The following NEBL variants were observed in gnomAD, a reference collection of about 807,000 sequenced individuals.
NEBL encodes the protein LIM and SH3 protein 2.
In NEBL, 122 loss-of-function variants were observed where a neutral mutation model predicts 140.2. The ratio of observed to expected loss-of-function variants is 0.87; its 90% CI spans 0.75 to 1.01. The LOEUF is 1.01. NEBL is among the 50% of genes least tolerant of loss of function. The pLI is 0.00. For synonymous variants in NEBL, 436 were observed against 398.9 expected (o/e 1.09, Z -1.11); for missense variants, 1,365 against 1,231.3 (o/e 1.11, Z -1.62).
At chr10:20,852,445 T>C (rs1842632171) in intron 10 of NEBL, 100 bp downstream of exon 10, 1 of 788,466 alleles carries the variant, frequency 1.3e-6, no homozygotes, top group South Asian at 1.4e-5. Flanking sequence ...TTTCTGCAAC[T>C]GTACTTTCTC....
At chr10:20,987,792 T>C (rs1396137560) in intron 3 of NEBL, among the ~76,000 whole-genome samples, 1 of 152,218 alleles carries the variant, frequency 6.6e-6, no homozygotes, top group Non-Finnish European at 1.5e-5. Flanking sequence ...GGGCTCCTTC[T>C]GTACCAGCAC....
Position 20,902,406 on chromosome 10 carries a change from C to CAA in NEBL, c.357+59264_357+59265dup, listed in dbSNP as rs10532070. The stretch of plus-strand genomic sequence containing the variant: ...GGGCAACAGAGCAAAGACACTGTCT[C>CAA]AAAAAAAAAAAAATTTAATAAGGTA... On this transcript the variant is annotated intron_variant, in intron 4 of 6. Transcript: ENST00000417816. Among the ~76,000 whole-genome samples, 4 of 149,926 alleles carry CAA rather than the reference C, an allele frequency of 2.7e-5. No homozygotes were observed. In the East Asian group the frequency reaches 5.9e-4, roughly 22 times the overall value.
chr10:21,288,197 T>C (rs975364380), intron 1 of NEBL, among the ~76,000 whole-genome samples: 2 of 152,190 alleles, frequency 1.3e-5, no homozygotes, highest in African/African-American at 4.8e-5. Flanking sequence ...CAGCCGGGCA[T>C]GGTGGCTAAC....
chr10:21,210,109 G>A (rs1324530106), intron 3 of NEBL, among the ~76,000 whole-genome samples: 1 of 152,062 alleles, frequency 6.6e-6, no homozygotes, highest in Non-Finnish European at 1.5e-5. Context: ...AAAACATCAT[G>A]GGCAGGGCAT....
intron 3 of NEBL, among the ~76,000 whole-genome samples, chr10:20,995,120 A>G (rs1416915989): frequency 6.6e-6 from 1 of 152,254 alleles, no homozygotes; most frequent in Non-Finnish European, 1.5e-5. Context: ...CCTTTGAAGC[A>G]AAGTCTGAAC....
At chr10:21,144,373 A>T (rs1292663229) in intron 2 of NEBL, among the ~76,000 whole-genome samples, 1 of 152,222 alleles carries the variant, frequency 6.6e-6, no homozygotes, top group Non-Finnish European at 1.5e-5. Context: ...TCGCCCTACA[A>T]GGTAACGCAC....
chr10:21,193,153 T>G lies in NEBL; in HGVS notation n.349-20676A>C, dbSNP rs554205277. The stretch of plus-strand genomic sequence containing the variant: ...TAGCAACCCAATCACAGGGATGGGG[T>G]GGAGTGGAAGGCTGACAGGGAGGAA... On this transcript the variant is annotated intron_variant and non_coding_transcript_variant, in intron 3 of 8. Transcript: ENST00000675702. Among the ~76,000 whole-genome samples, 123 of 151,516 alleles carry G rather than the reference T, an allele frequency of 8.1e-4. No homozygotes were observed. In the South Asian group the frequency reaches 0.014, roughly 17 times the overall value.
intron 1 of NEBL, among the ~76,000 whole-genome samples, chr10:21,279,098 T>C (rs565703736): frequency 4.6e-4 from 70 of 152,106 alleles, no homozygotes; most frequent in Non-Finnish European, 8.8e-4. Context: ...ATTTACTATT[T>C]AGGCTCTACA....
In NEBL at chr10:21,272,641, C is replaced by T. The variant is rs76722102; in HGVS notation, n.182+20189G>A. 3.7e-3 allele frequency among the ~76,000 whole-genome samples: 556 copies of T among 152,178 alleles called. 6 individuals are homozygous for T. The highest frequency in any genetic ancestry group is 0.013 in the African/African-American group (537 of 41,522). ...CCAGGGGTTCTTGCTCCAGATCCTC[C>T]GTTTGATAGCTGTGTGGCATTTGAG... On this transcript the variant is annotated intron_variant and non_coding_transcript_variant, in intron 1 of 8. Coordinates refer to the NEBL transcript ENST00000675702.
intron 5 of NEBL, among the ~76,000 whole-genome samples, chr10:20,875,220 T>G (rs1221744438): frequency 1.3e-5 from 2 of 151,062 alleles, no homozygotes; most frequent in Admixed American, 1.3e-4. Flanking sequence ...TCCTCCCACT[T>G]CTGTTTCATA....
intron 18 of NEBL, among the ~76,000 whole-genome samples, chr10:20,825,339 G>A (rs971419933): frequency 2.0e-5 from 3 of 152,114 alleles, no homozygotes; most frequent in Non-Finnish European, 4.4e-5. Context: ...TTTAAAGAAC[G>A]AATCCTTTTT....
chr10:21,087,983 A>G (rs1019833670), intron 2 of NEBL, among the ~76,000 whole-genome samples: 1 of 152,200 alleles, frequency 6.6e-6, no homozygotes, highest in Non-Finnish European at 1.5e-5. Flanking sequence ...CTTTATGGAG[A>G]TATTATGTAT....
upstream of NEBL, among the ~76,000 whole-genome samples, chr10:20,900,374 A>C (rs1847808722): frequency 6.6e-6 from 1 of 152,202 alleles, no homozygotes; most frequent in African/African-American, 2.4e-5. Flanking sequence ...GAGTTGACAG[A>C]AGTTAATAAA....
chr10:21,108,235 T>G (rs1374969787), intron 2 of NEBL, among the ~76,000 whole-genome samples: 1 of 152,202 alleles, frequency 6.6e-6, no homozygotes. Flanking sequence ...GCTTCTCTAG[T>G]TATTTTAATT....
intron 2 of NEBL, among the ~76,000 whole-genome samples, chr10:21,104,489 G>T (rs1342799716): frequency 6.6e-6 from 1 of 152,084 alleles, no homozygotes; most frequent in Non-Finnish European, 1.5e-5. Flanking sequence ...AAGTTTTGAT[G>T]CTATCATAAA....
intron 5 of NEBL, among the ~76,000 whole-genome samples, chr10:20,870,307 A>C (rs703097): frequency 0.96 from 137,360 of 142,722 alleles, 66,286 homozygotes; most frequent in Middle Eastern, 1. Context: ...AACTGGGCAA[A>C]AGAGTGGGAC....
At chr10:21,200,896 G>C (rs1841724851) in intron 3 of NEBL, among the ~76,000 whole-genome samples, 1 of 152,010 alleles carries the variant, frequency 6.6e-6, no homozygotes, top group African/African-American at 2.4e-5. Context: ...GAGTTTGAGA[G>C]CAGCCTGGGC....
At chr10:21,097,764 C>T (rs1564510395) in intron 2 of NEBL, among the ~76,000 whole-genome samples, 1 of 152,176 alleles carries the variant, frequency 6.6e-6, no homozygotes, top group Non-Finnish European at 1.5e-5. Context: ...CTTCAATCAC[C>T]ACAACTGAAA....
intron 4 of NEBL, among the ~76,000 whole-genome samples, chr10:20,911,792 A>C (rs1848341731): frequency 6.6e-6 from 1 of 152,232 alleles, no homozygotes; most frequent in African/African-American, 2.4e-5. Context: ...ATTCTGATAG[A>C]GCCAAGAGTA....
Sources: gnomAD v4.1 joint callset for allele counts (sites outside exome capture counted in the v4.1 genomes callset) on GRCh38, gnomAD v4.1.1 for gene constraint, MANE v1.5 for transcripts, NCBI Gene and HGNC (gene_info 2026-07-23, HGNC 2026-07-21) for gene names.